The following CWH43 variants were observed in gnomAD, a reference collection of about 807,000 sequenced individuals.
CWH43 encodes the protein cell wall biogenesis 43 C-terminal homolog.
In CWH43, 91 loss-of-function variants were observed where a neutral mutation model predicts 85.7. That is an observed-to-expected ratio of 1.06 (90% CI 0.90 to 1.26). CWH43 has a LOEUF of 1.26. Ranked by LOEUF, CWH43 falls within the 50% of genes most tolerant of loss-of-function variation. The pLI, the probability that CWH43 is intolerant of heterozygous loss-of-function variation, is 0.00. For missense variants in CWH43, 869 were observed against 839.2 expected (o/e 1.04, Z -0.44); for synonymous variants, 323 against 293.6 (o/e 1.10, Z -1.02).
chr4:49,009,730 T>A (rs1783290835), intron 8 of CWH43, among the ~76,000 whole-genome samples: 1 of 152,206 alleles, frequency 6.6e-6, no homozygotes, highest in Non-Finnish European at 1.5e-5. Flanking sequence ...TCTATTGAGA[T>A]AATCACGTGG....
At chr4:49,008,101 G>T (rs538048690) in intron 8 of CWH43, among the ~76,000 whole-genome samples, 2 of 152,138 alleles carry the variant, frequency 1.3e-5, no homozygotes, top group Admixed American at 1.3e-4. Context: ...GTATAAAAGC[G>T]TTCCTATTTC....
At chr4:49,029,955 C>G (rs1201308109) in intron 10 of CWH43, among the ~76,000 whole-genome samples, 1 of 152,202 alleles carries the variant, frequency 6.6e-6, no homozygotes, top group Non-Finnish European at 1.5e-5. Flanking sequence ...GGGGCCAGTG[C>G]AGGTCCTCTG....
At chr4:49,058,295 T>C in intron 15 of CWH43, among the ~76,000 whole-genome samples, 1 of 152,168 alleles carries the variant, frequency 6.6e-6, no homozygotes, top group Admixed American at 6.5e-5. Flanking sequence ...GAGTCTTACA[T>C]AAAACATAAC....
intron 15 of CWH43, among the ~76,000 whole-genome samples, chr4:49,056,555 C>G (rs1054235530): frequency 1.3e-5 from 2 of 151,956 alleles, no homozygotes; most frequent in Non-Finnish European, 2.9e-5. Flanking sequence ...TTGATTTTCT[C>G]TTTTTTTCTT....
intron 11 of CWH43, among the ~76,000 whole-genome samples, chr4:49,031,680 T>C (rs1410504419): frequency 6.6e-6 from 1 of 152,034 alleles, no homozygotes; most frequent in Admixed American, 6.6e-5. Flanking sequence ...GAGGCAGAGA[T>C]GATAGGTGGA....
intron 15 of CWH43, among the ~76,000 whole-genome samples, chr4:49,055,708 G>T (rs1784930689): frequency 6.6e-6 from 1 of 151,540 alleles, no homozygotes; most frequent in Non-Finnish European, 1.5e-5. Context: ...TCCTGCCTCA[G>T]CCTCCTGAGT....
At chr4:49,003,305 T>C (rs946904624) in intron 6 of CWH43, among the ~76,000 whole-genome samples, 6 of 152,286 alleles carry the variant, frequency 3.9e-5, no homozygotes, top group African/African-American at 1.2e-4. Context: ...TGGACAGAAA[T>C]TCCTTAGAAG....
At chr4:48,994,876 A>T (rs1782764176) in intron 5 of CWH43, 56 bp downstream of exon 5, 1 of 1,380,280 alleles carries the variant, frequency 7.2e-7, no homozygotes, top group Non-Finnish European at 1.0e-6. Context: ...GGAGGAAGCA[A>T]TGCCTCCTTT....
rs1431186334 is a variant in CWH43, at chr4:48,992,305, T to G, written c.511+215T>G. Among the ~76,000 whole-genome samples the G allele has an allele frequency of 6.6e-6, 1 of 152,142 alleles. No homozygotes were observed. The highest frequency in any genetic ancestry group is 1.5e-5 in the Non-Finnish European group (1 of 68,024). ...TGCCTGTACAGACAGAGGGTGAAAA[T>G]AAAATACCATTACTGGTTTGTAGCA... On this transcript the variant is annotated intron_variant, in intron 4 of 15. Coordinates refer to ENST00000226432, the MANE Select transcript of CWH43 (RefSeq NM_025087.3). The surrounding 1 kb of genome is among the most constrained non-coding windows in gnomAD (Gnocchi z 4.3).
At chr4:49,014,328 G>T (rs1302764590) in intron 8 of CWH43, among the ~76,000 whole-genome samples, 1 of 151,936 alleles carries the variant, frequency 6.6e-6, no homozygotes, top group African/African-American at 2.4e-5. Context: ...TGGTGCACCT[G>T]CAGTCCCAGT....
rs747597779 is a variant in CWH43, at chr4:49,004,303, C to T, written c.1060+311C>T. Among the ~76,000 whole-genome samples, 24 of 152,266 alleles carry T rather than the reference C, an allele frequency of 1.6e-4. No homozygotes were observed. In the South Asian group the frequency reaches 1.7e-3, roughly 11 times the overall value. On this transcript the variant is annotated intron_variant, in intron 7 of 15. Transcript: ENST00000226432. ...AATGTAACACTTGTGTTATACGATGCGTTAGGAAAAGGTATGATCATGATA... is the reference window on the plus strand; with the variant it reads ...AATGTAACACTTGTGTTATACGATGTGTTAGGAAAAGGTATGATCATGATA...
chr4:49,007,149 G>A, intron 7 of CWH43, 52 bp from the exon 8 acceptor site: 1 of 1,549,864 alleles, frequency 6.5e-7, no homozygotes, highest in Non-Finnish European at 8.7e-7. Flanking sequence ...ATACAACATT[G>A]GAAGGATTTT....
intron 8 of CWH43, among the ~76,000 whole-genome samples, chr4:49,015,117 G>A (rs1395415720): frequency 2.0e-5 from 3 of 151,912 alleles, no homozygotes; most frequent in African/African-American, 7.3e-5. Context: ...GTCAATTTTT[G>A]TCTTTTAAGG....
intron 8 of CWH43, among the ~76,000 whole-genome samples, chr4:49,008,968 G>A (rs912988706): frequency 3.9e-5 from 6 of 151,970 alleles, no homozygotes; most frequent in Non-Finnish European, 8.8e-5. Flanking sequence ...GCTCTTTTTT[G>A]GTTCTATATG....
At chr4:48,991,270 A>G (rs532279092) in intron 2 of CWH43, among the ~76,000 whole-genome samples, 184 bp from the exon 3 acceptor site, 1 of 152,336 alleles carries the variant, frequency 6.6e-6, no homozygotes, top group Admixed American at 6.5e-5. Context: ...ATATTTTAAC[A>G]TGGTGACTTT....
chr4:49,009,900 A>G (rs1326182774), intron 8 of CWH43, among the ~76,000 whole-genome samples: 1 of 151,710 alleles, frequency 6.6e-6, no homozygotes, highest in Non-Finnish European at 1.5e-5. Context: ...GAGGATTTTC[A>G]CAGTGATGTA....
intron 15 of CWH43, 102 bp downstream of exon 15, chr4:49,050,951 AG>A: frequency 1.1e-6 from 1 of 882,776 alleles, no homozygotes; most frequent in Non-Finnish European, 1.7e-6. Flanking sequence ...TTTGTCCTAG[AG>A]GTTTATTCCA....
chr4:49,048,698 G>T (rs1316777043), intron 14 of CWH43, among the ~76,000 whole-genome samples: 1 of 151,906 alleles, frequency 6.6e-6, no homozygotes, highest in African/African-American at 2.4e-5. Context: ...TAATCCTTTA[G>T]GATCAGGCCC....
At chr4:49,043,067 T>C (rs1241873377) in intron 13 of CWH43, among the ~76,000 whole-genome samples, 1 of 152,134 alleles carries the variant, frequency 6.6e-6, no homozygotes, top group Admixed American at 6.6e-5. Context: ...TTTACTAGCC[T>C]AGATGATGCT....
Sources: allele counts gnomAD v4.1 joint callset (sites outside exome capture counted in the v4.1 genomes callset), GRCh38; gene constraint gnomAD v4.1.1; non-coding constraint Gnocchi (gnomAD v3.1); transcripts MANE v1.5; gene names NCBI Gene and HGNC (gene_info 2026-07-23, HGNC 2026-07-21).